Variants in DIP2A observed in about 807,000 individuals in gnomAD.
DIP2A encodes disco-interacting protein 2 homolog A.
DIP2A carries 85 observed loss-of-function variants against 177.4 expected under a neutral mutation model. The observed-to-expected ratio is 0.48, with a 90% CI of 0.40 to 0.57. The LOEUF (loss-of-function observed/expected upper bound fraction) is 0.57. Ranked by LOEUF, DIP2A falls within the 20% of genes least tolerant of loss-of-function variation. DIP2A has a pLI of 0.00. For missense variants in DIP2A, 1,791 were observed against 2,100.2 expected (o/e 0.85, Z 2.88); for synonymous variants, 886 against 881.8 (o/e 1.00, Z -0.08).
At chr21:46,476,737 A>G (rs777229089) in intron 1 of DIP2A, among the ~76,000 whole-genome samples, 3 of 151,072 alleles carry the variant, frequency 2.0e-5, no homozygotes, top group East Asian at 2.0e-4. Flanking sequence ...GCTCACTGCA[A>G]CCTCCACGTC....
In DIP2A at chr21:46,551,712, C is replaced by G. The variant is rs1409519798; in HGVS notation, c.2918C>G (p.Ala973Gly). 10 of 1,613,954 alleles carry G rather than the reference C, an allele frequency of 6.2e-6. No individual in the cohort carries two copies. Among genetic ancestry groups the G allele is most frequent in the Non-Finnish European group, 8.5e-6 (10 of 1,179,880 alleles). ...RIAQASGREL[A>G]HLEDSDQARK... Reference sequence around the variant, plus strand: ...GCTCAGGCTTCCGGGAGAGAGCTCGCCCACCTGGAGGACAGCGACCAGGCA... The same window carrying G: ...GCTCAGGCTTCCGGGAGAGAGCTCGGCCACCTGGAGGACAGCGACCAGGCA... Residue 973 changes from alanine to glycine, a missense_variant, in exon 24 of 38, where the codon GCC becomes GGC. By Grantham distance (60) the Ala-to-Gly change is moderately conservative (BLOSUM62 0). Transcript: ENST00000417564.
chr21:46,500,496 T>C (rs1329139565), intron 5 of DIP2A, among the ~76,000 whole-genome samples: 2 of 152,222 alleles, frequency 1.3e-5, no homozygotes, highest in Admixed American at 6.5e-5. Context: ...CATAGTTAAC[T>C]CCAATTCTGA....
chr21:46,530,595 A>T (rs1569047428), intron 9 of DIP2A, among the ~76,000 whole-genome samples: 1 of 152,242 alleles, frequency 6.6e-6, no homozygotes, highest in South Asian at 2.1e-4. Context: ...GCGGAGTAAA[A>T]TAGGACAAAA....
At chr21:46,499,472 G>T (rs2057536161) in intron 5 of DIP2A, among the ~76,000 whole-genome samples, 1 of 152,126 alleles carries the variant, frequency 6.6e-6, no homozygotes, top group South Asian at 2.1e-4. Flanking sequence ...CCCATTGGTT[G>T]TCTCTGTACC....
At chr21:46,501,900 T>C (rs527929570) in intron 5 of DIP2A, among the ~76,000 whole-genome samples, 52 of 152,260 alleles carry the variant, frequency 3.4e-4, no homozygotes, top group Non-Finnish European at 5.3e-4. Context: ...GCTAATTTGA[T>C]CAGCATCAGG....
At chr21:46,463,491 A>T (rs2054499890) in intron 1 of DIP2A, among the ~76,000 whole-genome samples, 2 of 152,218 alleles carry the variant, frequency 1.3e-5, no homozygotes, top group South Asian at 4.1e-4. Context: ...TATTCTGGTT[A>T]ATAGGTCTAT....
At chr21:46,516,371 G>A (rs934562078) in intron 8 of DIP2A, among the ~76,000 whole-genome samples, 2 of 150,470 alleles carry the variant, frequency 1.3e-5, no homozygotes, top group Non-Finnish European at 3.0e-5. Context: ...CTTTTTCCCT[G>A]AGTCCTACAT....
In DIP2A at chr21:46,498,418, A is replaced by G; in HGVS notation, c.404-164A>G. 6.6e-6 allele frequency among the ~76,000 whole-genome samples: 1 copy of G among 151,894 alleles called. No homozygotes were observed. The highest frequency in any genetic ancestry group is 1.9e-4 in the East Asian group (1 of 5,178). ...TAGGGCTTCTTGCATGCCCTTCTAG[A>G]TTGAGGGTGACCTTTGAGCTGACTG... On this transcript the variant is annotated intron_variant, in intron 4 of 37. Coordinates refer to ENST00000417564, the MANE Select transcript of DIP2A (RefSeq NM_015151.4). This position sits in a 1 kb window ranked among gnomAD's most constrained non-coding sequence, Gnocchi z 4.3.
intron 2 of DIP2A, among the ~76,000 whole-genome samples, chr21:46,487,858 A>C (rs1251437126): frequency 6.6e-6 from 1 of 152,232 alleles, no homozygotes; most frequent in Non-Finnish European, 1.5e-5. Flanking sequence ...GAAAAACTTA[A>C]TACATCCTAT....
chr21:46,580,542 C>T, the DIP2A span, among the ~76,000 whole-genome samples: 3 of 152,162 alleles, frequency 2.0e-5, no homozygotes, highest in African/African-American at 7.2e-5. Flanking sequence ...CACAGTGTCA[C>T]TGGTCTGTGT....
the DIP2A span, among the ~76,000 whole-genome samples, chr21:46,580,609 T>A: frequency 1.3e-5 from 2 of 152,252 alleles, no homozygotes; most frequent in Non-Finnish European, 2.9e-5. Context: ...TATTTCATGC[T>A]ATCTTCAGGA....
Position 46,567,723 on chromosome 21 carries a change from T to C in DIP2A, c.*101T>C. ...GAGCTCACTCACCGGGACTCGCCCTTCCTGTGCTCTTACAGATCCCTCTCA... is the reference window on the plus strand; with the variant it reads ...GAGCTCACTCACCGGGACTCGCCCTCCCTGTGCTCTTACAGATCCCTCTCA... On this transcript the variant is annotated 3_prime_UTR_variant, in exon 38 of 38. Transcript: ENST00000417564. 1 of 1,415,156 alleles carries C rather than the reference T, an allele frequency of 7.1e-7. No individual in the cohort carries two copies. The highest frequency in any genetic ancestry group is 2.4e-5 in the Admixed American group (1 of 42,396). 87.7% of individuals were successfully genotyped at this position (1,415,156 alleles called of 1,614,324 possible). A position where few individuals can be genotyped will look rare whatever the true frequency, so the allele number is the denominator to read the frequency against.
intron 20 of DIP2A, chr21:46,546,297 C>G: frequency 9.2e-7 from 1 of 1,085,558 alleles, no homozygotes; most frequent in Non-Finnish European, 1.1e-6. Context: ...ATAAATGCTT[C>G]TATTTGTAAC....
Position 46,464,844 on chromosome 21 carries a change from T to TTTTTCCC in DIP2A, c.91+5622_91+5623insTTTTCCC, listed in dbSNP as rs58546395. On this transcript the variant is annotated intron_variant, in intron 1 of 37. Coordinates refer to ENST00000417564, the MANE Select transcript of DIP2A (RefSeq NM_015151.4). ...TTTTTTTTTTTTTTTTTTTTTTTTT[T>TTTTTCCC]CAAGAAAACACACAACAAATGTCAG... Among the ~76,000 whole-genome samples the TTTTTCCC allele has an allele frequency of 2.5e-4, 28 of 111,218 alleles. 1 individual carries two copies. Among genetic ancestry groups the TTTTTCCC allele is most frequent in the Non-Finnish European group, 4.4e-4 (25 of 57,324 alleles). The allele number at this position is 111,218 out of a possible 152,430, so 73.0% of individuals were successfully genotyped here. A position where few individuals can be genotyped will look rare whatever the true frequency, so the allele number is the denominator to read the frequency against.
chr21:46,502,145 A>T (rs965175099), intron 5 of DIP2A, among the ~76,000 whole-genome samples: 19 of 152,080 alleles, frequency 1.2e-4, no homozygotes, highest in African/African-American at 4.6e-4. Flanking sequence ...TTATTTATTT[A>T]TTTTTTTGGA....
At chr21:46,538,945 G>GC (rs1164117436) in intron 16 of DIP2A, 2 of 224,056 alleles carry the variant, frequency 8.9e-6, no homozygotes, top group Admixed American at 5.8e-5. Context: ...TTGTCCTGGT[G>GC]CCCCCACGTC....
chr21:46,538,416 G>T, intron 15 of DIP2A, 67 bp from the exon 16 acceptor site: 1 of 1,516,912 alleles, frequency 6.6e-7, no homozygotes. Context: ...AGGTACACGT[G>T]TCTGTAGGCG....
At chr21:46,463,837 T>C (rs1018828131) in intron 1 of DIP2A, among the ~76,000 whole-genome samples, 3 of 151,738 alleles carry the variant, frequency 2.0e-5, no homozygotes, top group Admixed American at 1.3e-4. Context: ...GCCTCCTGAG[T>C]AGCTGGGATT....
At chr21:46,579,285 C>T in the DIP2A span, among the ~76,000 whole-genome samples, 1 of 152,022 alleles carries the variant, frequency 6.6e-6, no homozygotes, top group Admixed American at 6.6e-5. Context: ...TTTGTATTTC[C>T]GTAGGGTCAG....
Sources: gnomAD v4.1 joint callset for allele counts (sites outside exome capture counted in the v4.1 genomes callset) on GRCh38, gnomAD v4.1.1 for gene constraint, Gnocchi (gnomAD v3.1) non-coding constraint, MANE v1.5 for transcripts, NCBI Gene and HGNC (gene_info 2026-07-23, HGNC 2026-07-21) for gene names.